DMC1: variants seen among roughly 807,000 people sequenced by gnomAD.
The protein encoded by DMC1 is DNA meiotic recombinase 1, also known as meiotic recombination protein DMC1 homolog.
A neutral mutation model predicts 50.1 loss-of-function variants in DMC1; 27 were observed. The ratio of observed to expected loss-of-function variants is 0.54; its 90% CI spans 0.40 to 0.74. DMC1 has a LOEUF of 0.74. DMC1 is among the 30% of genes least tolerant of loss of function. The pLI is 0.00. For missense variants in DMC1, 295 were observed against 420.2 expected (o/e 0.70, Z 2.60); for synonymous variants, 148 against 136.1 (o/e 1.09, Z -0.61).
At chr22:38,541,110 TG>T (rs1286217575) in intron 8 of DMC1, among the ~76,000 whole-genome samples, 2 of 152,030 alleles carry the variant, frequency 1.3e-5, no homozygotes, top group African/African-American at 4.8e-5. Flanking sequence ...AACAAGTTAT[TG>T]GGGGTCTGAA....
intron 7 of DMC1, among the ~76,000 whole-genome samples, chr22:38,551,192 G>A (rs2090405972): frequency 6.6e-6 from 1 of 151,488 alleles, no homozygotes; most frequent in South Asian, 2.1e-4. Flanking sequence ...AGGTTGCAGT[G>A]AGCTGAGATC....
chr22:38,521,852 AG>A, intron 12 of DMC1, 128 bp from the exon 13 acceptor site: 2 of 753,490 alleles, frequency 2.7e-6, no homozygotes, highest in Non-Finnish European at 4.8e-6. Context: ...AAACAAGCAG[AG>A]GCTTGTTCAT....
the DMC1 span, among the ~76,000 whole-genome samples, chr22:38,510,609 T>C: frequency 1.3e-5 from 2 of 152,216 alleles, no homozygotes; most frequent in African/African-American, 2.4e-5. Flanking sequence ...ACTAGCTGAA[T>C]GTAGCTGCGT....
At chr22:38,542,125 A>C (rs1237493806) in intron 8 of DMC1, among the ~76,000 whole-genome samples, 1 of 149,582 alleles carries the variant, frequency 6.7e-6, no homozygotes, top group Non-Finnish European at 1.5e-5. Flanking sequence ...GAAAAACTGA[A>C]AGTCTTTCCT....
chr22:38,521,580 CACACACACAA>C lies in DMC1; in HGVS notation c.953+18_953+27del. Reference sequence around the variant, plus strand: ...ACACACACACACACACACACACACACACACACACAAAATAAAAAAAAATTTACCTGTCATA... The same window carrying C: ...ACACACACACACACACACACACACACAATAAAAAAAAATTTACCTGTCATA... On this transcript the variant is annotated intron_variant, in intron 13 of 13. Transcript: ENST00000216024. 4 of 1,327,052 alleles carry C rather than the reference CACACACACAA, an allele frequency of 3.0e-6. No individual in the cohort carries two copies. The highest frequency in any genetic ancestry group is 2.4e-5 in the East Asian group (1 of 40,840). The allele number at this position is 1,327,052 out of a possible 1,614,324, so 82.2% of individuals were successfully genotyped here.
At chr22:38,537,699 A>C in intron 11 of DMC1, 47 bp from the exon 12 acceptor site, 2 of 1,442,960 alleles carry the variant, frequency 1.4e-6, no homozygotes, top group Non-Finnish European at 2.0e-6. Context: ...GGCAATATAG[A>C]TATTTAAAAG....
intron 8 of DMC1, among the ~76,000 whole-genome samples, chr22:38,541,300 T>C (rs1269890627): frequency 1.3e-5 from 2 of 152,186 alleles, no homozygotes; most frequent in African/African-American, 4.8e-5. Context: ...AATTTTTATT[T>C]TATTTTTTTG....
chr22:38,557,562 C>T (rs942909279), intron 5 of DMC1, among the ~76,000 whole-genome samples: 10 of 152,096 alleles, frequency 6.6e-5, no homozygotes, highest in Non-Finnish European at 1.5e-4. Context: ...CAAAATTAGC[C>T]AGGTATGCTG....
intron 8 of DMC1, among the ~76,000 whole-genome samples, chr22:38,539,683 T>C (rs1445387537): frequency 6.6e-6 from 1 of 152,170 alleles, no homozygotes; most frequent in Non-Finnish European, 1.5e-5. Flanking sequence ...ACAATAACCT[T>C]GGAAGCTAGT....
intron 8 of DMC1, among the ~76,000 whole-genome samples, chr22:38,545,432 T>G (rs1224375111): frequency 2.0e-5 from 3 of 152,108 alleles, no homozygotes; most frequent in Admixed American, 6.5e-5. Flanking sequence ...AAAACAATTT[T>G]TTTTTTTTGA....
At position 38,539,464 on chromosome 22, in the gene DMC1, G is replaced by T. The variant is rs763549338; in HGVS notation, c.495-52C>A. ...AATAAGTCAATTCTAAAAAAGTTTA[G>T]ACAACCACTACAAAACATAATATCT... is the stretch of plus-strand genomic sequence containing the variant. On this transcript the variant is annotated intron_variant, in intron 8 of 13. Coordinates refer to ENST00000216024, the MANE Select transcript of DMC1 (RefSeq NM_007068.4). The T allele has an allele frequency of 1.2e-5, 16 of 1,365,568 alleles. No individual in the cohort carries two copies. The Admixed American group carries it at 2.5e-4, about 22-fold the overall frequency. The allele number at this position is 1,365,568 out of a possible 1,614,324, so 84.6% of individuals were successfully genotyped here. A position where few individuals can be genotyped will look rare whatever the true frequency, so the allele number is the denominator to read the frequency against.
At chr22:38,562,492 T>C in intron 4 of DMC1, 123 bp from the exon 5 acceptor site, 1 of 729,536 alleles carries the variant, frequency 1.4e-6, no homozygotes, top group Non-Finnish European at 2.4e-6. Flanking sequence ...TACAGTTCAC[T>C]TGTCCTTGAA....
At chr22:38,543,088 A>T (rs1054893592) in intron 8 of DMC1, among the ~76,000 whole-genome samples, 1 of 152,222 alleles carries the variant, frequency 6.6e-6, no homozygotes, top group African/African-American at 2.4e-5. Flanking sequence ...TAAGACCTCA[A>T]ACTATGAAAC....
intron 12 of DMC1, among the ~76,000 whole-genome samples, chr22:38,529,606 G>T (rs955051146): frequency 8.5e-5 from 13 of 152,096 alleles, no homozygotes; most frequent in African/African-American, 3.1e-4. Context: ...GGATGCTGGG[G>T]TCATGAAACA....
At chr22:38,563,452 G>A (rs1283224862) in intron 4 of DMC1, among the ~76,000 whole-genome samples, 2 of 152,138 alleles carry the variant, frequency 1.3e-5, no homozygotes, top group African/African-American at 4.8e-5. Context: ...CACACCAGGT[G>A]ATTCTGATAC....
chr22:38,552,541 G>T, intron 7 of DMC1, 125 bp downstream of exon 7: 1 of 769,584 alleles, frequency 1.3e-6, no homozygotes, highest in Admixed American at 2.2e-5. Context: ...TACTTAATCT[G>T]CCTGTGTTTT....
At position 38,557,471 on chromosome 22, in the gene DMC1, C is replaced by T. The variant is rs554949628; in HGVS notation, c.327-2062G>A. On this transcript the variant is annotated intron_variant, in intron 5 of 13. Transcript: ENST00000216024. Reference sequence around the variant, plus strand: ...CTGTAATCTTAGCACTTTGGGAGGCCGAGGGAGGTGGATCGCTCGAGCCTG... The same window carrying T: ...CTGTAATCTTAGCACTTTGGGAGGCTGAGGGAGGTGGATCGCTCGAGCCTG... 2.0e-4 allele frequency among the ~76,000 whole-genome samples: 31 copies of T among 151,986 alleles called. No individual in the cohort carries two copies. The East Asian group carries it at 5.2e-3, about 26-fold the overall frequency.
chr22:38,551,859 T>TTC, intron 7 of DMC1, among the ~76,000 whole-genome samples: 1 of 139,228 alleles, frequency 7.2e-6, no homozygotes, highest in Non-Finnish European at 1.6e-5. Context: ...CTCCTTTCTT[T>TTC]TTTTTTTTTT....
chr22:38,556,915 A>C (rs1021149967), intron 5 of DMC1, among the ~76,000 whole-genome samples: 1 of 152,238 alleles, frequency 6.6e-6, no homozygotes, highest in African/African-American at 2.4e-5. Flanking sequence ...TAAGGAAAAG[A>C]AAAATCTAGA....
Sources: allele counts gnomAD v4.1 joint callset (sites outside exome capture counted in the v4.1 genomes callset), GRCh38; gene constraint gnomAD v4.1.1; transcripts MANE v1.5; gene names NCBI Gene and HGNC (gene_info 2026-07-23, HGNC 2026-07-21).